Variants in RPS6KA3 observed in about 807,000 individuals in gnomAD.
RPS6KA3 encodes the protein ribosomal protein S6 kinase A3, also known as ribosomal protein S6 kinase alpha-3.
In RPS6KA3, 4 loss-of-function variants were observed where a neutral mutation model predicts 67.2. The observed-to-expected ratio is 0.06, with a 90% CI of 0.03 to 0.14. The LOEUF is 0.14. RPS6KA3 is among the 10% of genes least tolerant of loss of function. The probability of loss-of-function intolerance (pLI) is 1.00; values close to 1 mark genes in which losing one functional copy is unlikely to be tolerated. For synonymous variants in RPS6KA3, 182 were observed against 183.7 expected, an observed-to-expected ratio of 0.99 and a Z score of 0.07; for missense variants, 204 against 559.0, an observed-to-expected ratio of 0.36 and a Z score of 6.40.
intron 15 of RPS6KA3, among the ~76,000 whole-genome samples, chrX:20,171,620 T>C (rs2067576469): frequency 9.0e-6 from 1 of 111,579 alleles, no homozygotes; most frequent in Non-Finnish European, 1.9e-5. Context: ...TTATGAATCA[T>C]TTAAGTTACA....
chrX:20,159,548 A>G lies in RPS6KA3; in HGVS notation c.1959+2096T>C, dbSNP rs145351523. ...AGTTACTAGTGATAACATGGAATCT[A>G]TAAGATAGGCTGTGAGTTGGATGTA... On this transcript the variant is annotated intron_variant, in intron 20 of 21. Transcript: ENST00000379565. Among the ~76,000 whole-genome samples, 871 of 112,242 alleles carry G rather than the reference A, an allele frequency of 7.8e-3. 6 individuals carry two copies. The highest frequency in any genetic ancestry group is 0.013 in the Admixed American group (136 of 10,575).
chrX:20,235,752 G>A (rs1362080671), intron 1 of RPS6KA3, among the ~76,000 whole-genome samples: 2 of 111,312 alleles, frequency 1.8e-5, no homozygotes, highest in Non-Finnish European at 3.8e-5. Context: ...AAGGCAATCC[G>A]AGTCCATATT....
In RPS6KA3 at chrX:20,224,607, ATTTT is replaced by A. The variant is rs766372765; in HGVS notation, c.126+10147_126+10150del. 1.5e-4 allele frequency among the ~76,000 whole-genome samples: 17 copies of A among 111,878 alleles called. No individual in the cohort carries two copies. In the East Asian group the frequency reaches 4.5e-3, roughly 29 times the overall value. Reference sequence around the variant, plus strand: ...TTTCCATCTAAGTGCAGGACAGTTAATTTTTTTAAGCACACATCCATCAATAGAC... The same window carrying A: ...TTTCCATCTAAGTGCAGGACAGTTAATTTAAGCACACATCCATCAATAGAC... On this transcript the variant is annotated intron_variant, in intron 2 of 21. Coordinates refer to ENST00000379565, the MANE Select transcript of RPS6KA3 (RefSeq NM_004586.3).
At chrX:20,164,874 T>A (rs761739720) in intron 18 of RPS6KA3, 25 bp downstream of exon 18, 1 of 1,159,266 alleles carries the variant, frequency 8.6e-7, no homozygotes, top group Admixed American at 2.2e-5. Flanking sequence ...ATACTAATAC[T>A]GCAAGCAAAC....
chrX:20,212,815 C>T (rs1319659239), intron 2 of RPS6KA3, among the ~76,000 whole-genome samples: 2 of 111,634 alleles, frequency 1.8e-5, no homozygotes, highest in African/African-American at 3.3e-5. Context: ...TACTATGTAT[C>T]AAGCACAGTG....
intron 13 of RPS6KA3, among the ~76,000 whole-genome samples, chrX:20,175,601 T>C (rs1309415863): frequency 3.6e-5 from 4 of 112,159 alleles, no homozygotes; most frequent in South Asian, 7.4e-4. Context: ...TTTCCTGAAA[T>C]GATGGAAATT....
At chrX:20,241,094 G>T (rs1374931264) in intron 1 of RPS6KA3, among the ~76,000 whole-genome samples, 6 of 110,656 alleles carry the variant, frequency 5.4e-5, no homozygotes, top group African/African-American at 1.6e-4. Context: ...GCTACTTAAG[G>T]TCTGTTAGTA....
chrX:20,188,952 T>C (rs955813032), intron 7 of RPS6KA3, among the ~76,000 whole-genome samples: 1 of 112,142 alleles, frequency 8.9e-6, no homozygotes, highest in Non-Finnish European at 1.9e-5. Flanking sequence ...TTTTTCCTTT[T>C]TGTGGAGAAT....
chrX:20,158,960 T>C (rs978569461), intron 20 of RPS6KA3, among the ~76,000 whole-genome samples: 1 of 112,021 alleles, frequency 8.9e-6, no homozygotes, highest in Non-Finnish European at 1.9e-5. Context: ...CTGATGGACA[T>C]ACATCTCTTA....
chrX:20,265,653 G>C (rs948023221), intron 1 of RPS6KA3: 2 of 111,771 alleles, frequency 1.8e-5, no homozygotes, highest in African/African-American at 6.5e-5. Flanking sequence ...TGATACCTTG[G>C]AACGGGTCTT....
intron 1 of RPS6KA3, among the ~76,000 whole-genome samples, chrX:20,238,492 G>T (rs1232640757): frequency 3.6e-5 from 4 of 109,799 alleles, no homozygotes; most frequent in Non-Finnish European, 7.6e-5. Flanking sequence ...CTATATATTA[G>T]ATTCCAAATC....
chrX:20,159,436 T>C (rs1603418291), intron 20 of RPS6KA3, among the ~76,000 whole-genome samples: 1 of 112,484 alleles, frequency 8.9e-6, no homozygotes, highest in South Asian at 3.7e-4. Flanking sequence ...ACACCCAGAT[T>C]GATAGAGCCC....
At chrX:20,249,359 GTA>G (rs2147044095) in intron 1 of RPS6KA3, among the ~76,000 whole-genome samples, 1 of 112,128 alleles carries the variant, frequency 8.9e-6, no homozygotes, top group South Asian at 3.7e-4. Flanking sequence ...CATATAGCAA[GTA>G]TATGTTTATT....
At chrX:20,177,531 T>C (rs183096292) in intron 10 of RPS6KA3, among the ~76,000 whole-genome samples, 1 of 112,791 alleles carries the variant, frequency 8.9e-6, no homozygotes, top group East Asian at 2.8e-4. Flanking sequence ...ATAACTGAAT[T>C]TTAGTTCATA....
At chrX:20,194,143 A>G (rs2068211853) in intron 6 of RPS6KA3, 46 bp downstream of exon 6, 1 of 797,437 alleles carries the variant, frequency 1.3e-6, no homozygotes, top group East Asian at 3.2e-5. Context: ...CTTTAGTTCA[A>G]ACAGGATGCA....
At chrX:20,204,931 A>AAAAC (rs752958561) in intron 3 of RPS6KA3, among the ~76,000 whole-genome samples, 39 of 111,568 alleles carry the variant, frequency 3.5e-4, no homozygotes, top group Admixed American at 7.6e-4. Flanking sequence ...ATGAAAAGCA[A>AAAAC]AAACAAACAA....
At chrX:20,230,476 C>T (rs1285101316) in intron 2 of RPS6KA3, among the ~76,000 whole-genome samples, 2 of 111,309 alleles carry the variant, frequency 1.8e-5, no homozygotes, top group Non-Finnish European at 3.8e-5. Flanking sequence ...GTGGGGATGG[C>T]GGTAAGGGAA....
At chrX:20,209,485 A>T in intron 2 of RPS6KA3, 81 bp from the exon 3 acceptor site, 1 of 544,272 alleles carries the variant, frequency 1.8e-6, no homozygotes, top group Non-Finnish European at 3.2e-6. Context: ...ATATTAATTT[A>T]ATCTTACTAG....
chrX:20,224,521 A>G (rs776744239), intron 2 of RPS6KA3, among the ~76,000 whole-genome samples: 1 of 111,806 alleles, frequency 8.9e-6, no homozygotes, highest in African/African-American at 3.3e-5. Flanking sequence ...ATTCCACTGG[A>G]TACTTTTTTG....
Sources: allele counts gnomAD v4.1 joint callset (sites outside exome capture counted in the v4.1 genomes callset), GRCh38; gene constraint gnomAD v4.1.1; transcripts MANE v1.5; gene names NCBI Gene and HGNC (gene_info 2026-07-23, HGNC 2026-07-21).